The following CBFA2T2 variants were observed in gnomAD, a reference collection of about 807,000 sequenced individuals.
The protein encoded by CBFA2T2 is CBFA2/RUNX1 partner transcriptional co-repressor 2, also known as protein CBFA2T2.
A neutral mutation model predicts 62.2 loss-of-function variants in CBFA2T2; 11 were observed. That is an observed-to-expected ratio of 0.18 (90% confidence interval 0.11 to 0.29). CBFA2T2 has a LOEUF of 0.29. Ranked by LOEUF, CBFA2T2 falls within the 10% of genes least tolerant of loss-of-function variation. The pLI is 1.00. For synonymous variants in CBFA2T2, 295 were observed against 287.5 expected (o/e 1.03, Z -0.27); for missense variants, 592 against 774.1 (o/e 0.76, Z 2.79).
chr20:33,498,913 G>A (rs2011234914), intron 1 of CBFA2T2, among the ~76,000 whole-genome samples: 1 of 151,938 alleles, frequency 6.6e-6, no homozygotes. Context: ...TATGGTGGTG[G>A]GTGCCTATCA....
intron 1 of CBFA2T2, among the ~76,000 whole-genome samples, chr20:33,533,563 A>G (rs2012118362): frequency 6.6e-6 from 1 of 152,118 alleles, no homozygotes; most frequent in Non-Finnish European, 1.5e-5. Context: ...GCCTGTGGAT[A>G]GATGTTTGAG....
intron 1 of CBFA2T2, among the ~76,000 whole-genome samples, chr20:33,491,581 A>G (rs999945986): frequency 5.3e-5 from 8 of 152,118 alleles, no homozygotes; most frequent in African/African-American, 1.9e-4. Flanking sequence ...AAAAGTAGAT[A>G]CACCCAGCTT....
At chr20:33,620,238 TG>T (rs1468272783) in intron 4 of CBFA2T2, among the ~76,000 whole-genome samples, 6 of 152,168 alleles carry the variant, frequency 3.9e-5, no homozygotes, top group African/African-American at 1.4e-4. Context: ...CCAGTCACGG[TG>T]GTTCACACCT....
At chr20:33,587,256 TTTTTG>T (rs61203194) in intron 1 of CBFA2T2, among the ~76,000 whole-genome samples, 21,580 of 149,938 alleles carry the variant, frequency 0.14, 1,903 homozygotes, top group East Asian at 0.37. Context: ...GTTTTTTATT[TTTTTG>T]TTTTGTTTTG....
At chr20:33,564,962 C>T (rs955561472) in intron 1 of CBFA2T2, among the ~76,000 whole-genome samples, 9 of 152,104 alleles carry the variant, frequency 5.9e-5, no homozygotes, top group African/African-American at 2.2e-4. Context: ...CTCTGTCACC[C>T]AGGCTGGAGT....
intron 4 of CBFA2T2, among the ~76,000 whole-genome samples, chr20:33,620,060 C>G (rs1188702289): frequency 6.6e-6 from 1 of 152,104 alleles, no homozygotes; most frequent in African/African-American, 2.4e-5. Context: ...TGTGTCTCCC[C>G]GAACCCCAGA....
intron 1 of CBFA2T2, among the ~76,000 whole-genome samples, chr20:33,594,389 T>C (rs2014797090): frequency 6.6e-6 from 1 of 152,058 alleles, no homozygotes; most frequent in African/African-American, 2.4e-5. Flanking sequence ...ACCTGTCTAA[T>C]TTTTATGTTT....
intron 4 of CBFA2T2, 64 bp downstream of exon 4, chr20:33,619,670 T>C (rs1474079985): frequency 2.5e-6 from 3 of 1,208,760 alleles, no homozygotes; most frequent in African/African-American, 1.6e-5. Context: ...CTAATCCCTG[T>C]TACGTGATTT....
At chr20:33,644,266 C>G in intron 10 of CBFA2T2, 81 bp from the exon 11 acceptor site, 1 of 1,510,800 alleles carries the variant, frequency 6.6e-7, no homozygotes, top group East Asian at 2.3e-5. Context: ...ACATACAGCC[C>G]CTTGCTTTAC....
At position 33,490,107 on chromosome 20, in the gene CBFA2T2, CGACGGCGACAGCAGCGGTGGT is replaced by C. The variant is rs2011134863; in HGVS notation, c.-159_-139del. The C allele has an allele frequency of 1.4e-6, 1 of 700,002 alleles. No homozygotes were observed. The highest frequency in any genetic ancestry group is 6.6e-5 in the South Asian group (1 of 15,200). 43.4% of individuals were successfully genotyped at this position (700,002 alleles called of 1,614,324 possible). On this transcript the variant is annotated 5_prime_UTR_variant, in exon 1 of 11. Transcript: ENST00000342704. ...GGCCTAACGGCGGCGGCGGCGGCGG[CGACGGCGACAGCAGCGGTGGT>C]GGTGTCTGGTTAGCTCGGCGGCTGC...
intron 10 of CBFA2T2, among the ~76,000 whole-genome samples, chr20:33,642,116 TTGTGTGTGTGTG>T (rs869240464): frequency 0.045 from 2,677 of 58,916 alleles, 46 homozygotes; most frequent in East Asian, 0.11. Flanking sequence ...TTTTTTTTTT[TTGTGTGTGTGTG>T]TGTGTGTGTG....
chr20:33,607,651 C>G (rs1234379626), intron 2 of CBFA2T2, among the ~76,000 whole-genome samples: 2 of 152,158 alleles, frequency 1.3e-5, no homozygotes, highest in African/African-American at 4.8e-5. Flanking sequence ...GCCTTCTTGC[C>G]ATATCCTCAC....
At chr20:33,630,970 C>T (rs959364485) in intron 8 of CBFA2T2, among the ~76,000 whole-genome samples, 3 of 152,172 alleles carry the variant, frequency 2.0e-5, no homozygotes, top group African/African-American at 7.2e-5. Flanking sequence ...TCTAGCACAA[C>T]AAGGCGTCAA....
intron 1 of CBFA2T2, among the ~76,000 whole-genome samples, chr20:33,539,678 G>T (rs866696991): frequency 2.6e-4 from 38 of 145,808 alleles, no homozygotes; most frequent in African/African-American, 4.7e-4. Context: ...GGTTTTTTTT[G>T]TTTTTTGTGT....
At chr20:33,524,138 A>AATTATT (rs534937477) in intron 1 of CBFA2T2, among the ~76,000 whole-genome samples, 1 of 151,666 alleles carries the variant, frequency 6.6e-6, no homozygotes, top group Non-Finnish European at 1.5e-5. Context: ...CAGGTTTTAA[A>AATTATT]ATTATTATTA....
chr20:33,628,358 G>A lies in CBFA2T2; in HGVS notation c.955G>A (p.Gly319Arg). ...RDRHHSLGLN[G>R]GYQDELVDHR... The stretch of plus-strand genomic sequence containing the variant: ...TCTGTAATTTCTAATAGGTCTAAAT[G>A]GAGGCTATCAAGATGAGTTGGTAGA... The change falls in exon 7 of 11, where the codon GGA becomes AGA. Residue 319 changes from glycine (G) to arginine (R), a missense_variant. This residue lies in a region of CBFA2T2 where 449 missense variants were observed against 551.2 expected (regional missense o/e 0.81). Coordinates refer to ENST00000342704, the MANE Select transcript of CBFA2T2 (RefSeq NM_001032999.3). The A allele has an allele frequency of 6.2e-7, 1 of 1,609,948 alleles. No individual in the cohort carries two copies. The highest frequency in any genetic ancestry group is 8.5e-7 in the Non-Finnish European group (1 of 1,176,188).
rs147017016 is a variant in CBFA2T2, at chr20:33,612,760, T to C, written c.420+1425T>C. On this transcript the variant is annotated intron_variant, in intron 3 of 10. Coordinates refer to ENST00000342704, the MANE Select transcript of CBFA2T2 (RefSeq NM_001032999.3). ...ATGTAATCCATATAAATTAGAGGAA[T>C]TCTGAGACCAAACAGTTTAAGAATT... is the stretch of plus-strand genomic sequence containing the variant. 1.3e-3 allele frequency among the ~76,000 whole-genome samples: 202 copies of C among 152,356 alleles called. 2 individuals are homozygous for C. The East Asian group carries it at 0.035, about 27-fold the overall frequency.
At chr20:33,572,604 T>TATTC (rs2013617292) in intron 1 of CBFA2T2, among the ~76,000 whole-genome samples, 1 of 152,214 alleles carries the variant, frequency 6.6e-6, no homozygotes, top group South Asian at 2.1e-4. Flanking sequence ...GTGATAAGAA[T>TATTC]ATTCCAGTGC....
intron 1 of CBFA2T2, among the ~76,000 whole-genome samples, chr20:33,558,166 C>G (rs2012968732): frequency 6.6e-6 from 1 of 151,302 alleles, no homozygotes; most frequent in South Asian, 2.1e-4. Context: ...CTCTGTCTCA[C>G]TCTCGCTCAG....
Sources: gnomAD v4.1 joint callset for allele counts (sites outside exome capture counted in the v4.1 genomes callset) on GRCh38, gnomAD v4.1.1 for gene constraint, gnomAD v4.1.1 regional missense constraint, MANE v1.5 for transcripts, NCBI Gene and HGNC (gene_info 2026-07-23, HGNC 2026-07-21) for gene names.